Variants in GLIS3 observed in about 807,000 individuals in gnomAD.
GLIS3 encodes the protein zinc finger protein GLIS3.
Under a neutral mutation model 78.6 loss-of-function variants are expected in GLIS3, and 53 were observed. That is an observed-to-expected ratio of 0.67 (90% CI 0.54 to 0.85). The LOEUF (loss-of-function observed/expected upper bound fraction) is 0.85, where lower values mean the gene tolerates loss of function less well. GLIS3 is among the 40% of genes least tolerant of loss of function. The pLI, the probability that GLIS3 is intolerant of heterozygous loss-of-function variation, is 0.00. For synonymous variants in GLIS3, 684 were observed against 509.9 expected (o/e 1.34, Z -4.60); for missense variants, 1,703 against 1,231.1 (o/e 1.38, Z -5.74).
chr9:4,207,103 C>A (rs1819948852), intron 2 of GLIS3, among the ~76,000 whole-genome samples: 1 of 152,190 alleles, frequency 6.6e-6, no homozygotes, highest in Non-Finnish European at 1.5e-5. Context: ...TACCTCTGGG[C>A]TACACTTCCC....
chr9:3,973,779 T>C (rs1818561301), intron 4 of GLIS3, among the ~76,000 whole-genome samples: 3 of 152,090 alleles, frequency 2.0e-5, no homozygotes. Context: ...AAAATGAGAA[T>C]CACAGAGAAA....
chr9:4,248,366 G>C (rs933324595), intron 2 of GLIS3, among the ~76,000 whole-genome samples: 1 of 151,922 alleles, frequency 6.6e-6, no homozygotes, highest in Non-Finnish European at 1.5e-5. Flanking sequence ...GTGTTGATTT[G>C]CTGAGAATGA....
At chr9:4,397,173 C>A in the GLIS3 span, among the ~76,000 whole-genome samples, 1 of 140,612 alleles carries the variant, frequency 7.1e-6, no homozygotes, top group African/African-American at 2.9e-5. Context: ...CTACAGGTGC[C>A]CGCCACTACG....
chr9:4,335,938 G>A (rs1325150137), intron 2 of GLIS3, among the ~76,000 whole-genome samples: 1 of 152,170 alleles, frequency 6.6e-6, no homozygotes. Context: ...AAAATTTGCG[G>A]ACTTCGGTAA....
chr9:4,128,480 T>C (rs10814850), intron 2 of GLIS3, among the ~76,000 whole-genome samples: 35,581 of 152,180 alleles, frequency 0.23, 5,469 homozygotes, highest in East Asian at 0.61. Context: ...GTCTATCCAG[T>C]GAAATTAGAA....
At chr9:4,371,301 T>C in the GLIS3 span, among the ~76,000 whole-genome samples, 1 of 152,030 alleles carries the variant, frequency 6.6e-6, no homozygotes, top group Admixed American at 6.5e-5. Context: ...TGTAGGGAAA[T>C]AGGCATGGCT....
chr9:4,322,960 G>C (rs889829298), intron 2 of GLIS3, among the ~76,000 whole-genome samples: 1 of 152,104 alleles, frequency 6.6e-6, no homozygotes. Context: ...CATTGCTTTT[G>C]GTGTTTTAGT....
chr9:4,425,001 G>A, the GLIS3 span, among the ~76,000 whole-genome samples: 5 of 152,182 alleles, frequency 3.3e-5, no homozygotes, highest in South Asian at 4.1e-4. Context: ...AAGGAAGGGA[G>A]CTCCCGTATT....
chr9:4,436,162 A>G, the GLIS3 span, among the ~76,000 whole-genome samples: 6 of 152,230 alleles, frequency 3.9e-5, no homozygotes, highest in Non-Finnish European at 7.3e-5. Context: ...GTATGAACAT[A>G]GTTACAGATA....
chr9:4,208,273 T>A (rs1359633054), intron 2 of GLIS3, among the ~76,000 whole-genome samples: 1 of 152,210 alleles, frequency 6.6e-6, no homozygotes, highest in South Asian at 2.1e-4. Context: ...GATCTGATAA[T>A]TAAGCGGCTT....
chr9:4,055,236 C>T (rs550574003), intron 4 of GLIS3, among the ~76,000 whole-genome samples: 1 of 152,308 alleles, frequency 6.6e-6, no homozygotes, highest in South Asian at 2.1e-4. Flanking sequence ...TCTATTTTCT[C>T]TTTCCTGGGC....
At chr9:4,330,733 T>C (rs1271565852) in intron 2 of GLIS3, among the ~76,000 whole-genome samples, 3 of 142,060 alleles carry the variant, frequency 2.1e-5, no homozygotes, top group Non-Finnish European at 4.6e-5. Context: ...TCGGAGGCAA[T>C]ACCTGGGAGG....
intron 2 of GLIS3, among the ~76,000 whole-genome samples, chr9:4,178,640 T>C (rs1252458008): frequency 6.6e-6 from 1 of 152,206 alleles, no homozygotes; most frequent in Admixed American, 6.5e-5. Flanking sequence ...AACCACAGTT[T>C]ATCATAAACA....
intron 4 of GLIS3, among the ~76,000 whole-genome samples, chr9:3,983,097 T>G (rs1180131823): frequency 3.9e-5 from 6 of 152,160 alleles, no homozygotes; most frequent in Admixed American, 6.5e-5. Flanking sequence ...CTCCAATGTG[T>G]CAGGAGAGGA....
intron 2 of GLIS3, among the ~76,000 whole-genome samples, chr9:4,204,857 C>A (rs1006241951): frequency 6.7e-6 from 1 of 148,500 alleles, no homozygotes. Flanking sequence ...GAGGTTGCAG[C>A]GTGCCAAGAT....
chr9:4,048,472 C>A (rs1371896518), intron 4 of GLIS3, among the ~76,000 whole-genome samples: 2 of 151,980 alleles, frequency 1.3e-5, no homozygotes, highest in African/African-American at 4.8e-5. Context: ...TAATATAAGC[C>A]ATTCTCATAA....
rs16919881 is a variant in GLIS3 at position 3,886,519 on chromosome 9, G to A, written c.2129-6924C>T. The stretch of plus-strand genomic sequence containing the variant: ...CTCTTGAAGCTTAGTTTATCTTGAA[G>A]TATTTTTACACTTTCAGCACTTCTT... On this transcript the variant is annotated intron_variant, in intron 7 of 10. Coordinates refer to ENST00000381971, the MANE Select transcript of GLIS3 (RefSeq NM_001042413.2). Among the ~76,000 whole-genome samples, 243 of 152,300 alleles carry A rather than the reference G, an allele frequency of 1.6e-3. 3 individuals are homozygous for A. The highest frequency in any genetic ancestry group is 5.6e-3 in the African/African-American group (232 of 41,566).
intron 4 of GLIS3, among the ~76,000 whole-genome samples, chr9:3,965,074 G>A (rs1051516211): frequency 6.6e-6 from 1 of 151,726 alleles, no homozygotes; most frequent in African/African-American, 2.4e-5. Context: ...TGTCATGCTT[G>A]AAAATGAAAA....
rs146160094 is a variant in GLIS3 at position 4,021,376 on chromosome 9, C to T, written c.1711-84187G>A. ...AGATTTCTCATGGTCCTTTGCAAAA[C>T]CTATCCTAATCAAACTTAGCTAACT... On this transcript the variant is annotated intron_variant, in intron 4 of 10. Transcript: ENST00000381971. 6.7e-3 allele frequency among the ~76,000 whole-genome samples: 1,021 copies of T among 152,208 alleles called. 11 individuals carry two copies. Among genetic ancestry groups the T allele is most frequent in the Non-Finnish European group, 9.3e-3 (633 of 68,006 alleles).
Sources: allele counts gnomAD v4.1 joint callset (sites outside exome capture counted in the v4.1 genomes callset), GRCh38; gene constraint gnomAD v4.1.1; transcripts MANE v1.5; gene names NCBI Gene and HGNC (gene_info 2026-07-23, HGNC 2026-07-21).